The following TLL1 variants were observed in gnomAD, a reference collection of about 807,000 sequenced individuals.
The protein encoded by TLL1 is tolloid-like protein 1.
In TLL1, 49 loss-of-function variants were observed where a neutral mutation model predicts 128.2. The ratio of observed to expected loss-of-function variants is 0.38; its 90% confidence interval spans 0.30 to 0.48. The LOEUF (loss-of-function observed/expected upper bound fraction) is 0.48. Among genes scored for constraint, TLL1 ranks in the 20% least tolerant of loss-of-function variants. TLL1 has a pLI of 0.96. For synonymous variants in TLL1, 454 were observed against 418.8 expected, an observed-to-expected ratio of 1.08 and a Z score of -1.03; for missense variants, 1,123 against 1,242.0, an observed-to-expected ratio of 0.90 and a Z score of 1.44.
At chr4:165,927,445 G>A (rs1476378739) in intron 1 of TLL1, among the ~76,000 whole-genome samples, 2 of 152,184 alleles carry the variant, frequency 1.3e-5, no homozygotes, top group Non-Finnish European at 2.9e-5. Flanking sequence ...TGCATTAGCA[G>A]CCATAGACCA....
At chr4:166,100,682 A>C (rs1742244658) in intron 20 of TLL1, 60 bp from the exon 21 acceptor site, 1 of 1,606,334 alleles carries the variant, frequency 6.2e-7, no homozygotes, top group African/African-American at 1.3e-5. Context: ...CGTTACACTG[A>C]AGAAAAAGTG....
rs1737514302 is a variant in TLL1 at position 166,007,952 on chromosome 4, A to T, written c.821A>T (p.Tyr274Phe). 23 of 1,608,084 alleles carry T rather than the reference A, an allele frequency of 1.4e-5. No individual in the cohort carries two copies. Among genetic ancestry groups the T allele is most frequent in the Non-Finnish European group, 1.9e-5 (22 of 1,175,344 alleles). The change falls in exon 7 of 21, where the codon TAC becomes TTC. Residue 274 changes from tyrosine (Y) to phenylalanine (F), a missense_variant. Physicochemically the swap from Tyr to Phe is conservative, Grantham distance 22 (BLOSUM62 3). This residue lies in a region of TLL1 where 480 missense variants were observed against 542.4 expected (regional missense o/e 0.89). Coordinates refer to ENST00000061240, the MANE Select transcript of TLL1 (RefSeq NM_012464.5). The stretch of plus-strand genomic sequence containing the variant: ...TATCCCTGGTTCTTAGGTCAAGAGT[A>T]CAATTTTCTGAAGATGGAGCCTGGA... Reference protein sequence around the residue: ...IRENIQPGQEYNFLKMEPGEV... With the variant: ...IRENIQPGQEFNFLKMEPGEV...
chr4:165,955,413 C>T (rs1260389490), intron 1 of TLL1, among the ~76,000 whole-genome samples: 1 of 151,828 alleles, frequency 6.6e-6, no homozygotes, highest in Non-Finnish European at 1.5e-5. Context: ...CTAGAGAGGG[C>T]AACATGAAAA....
At chr4:166,045,132 T>C (rs575855293) in intron 12 of TLL1, among the ~76,000 whole-genome samples, 15 of 152,294 alleles carry the variant, frequency 9.8e-5, no homozygotes, top group Non-Finnish European at 1.8e-4. Context: ...AGTCATGTCA[T>C]AGAATGGCTG....
At chr4:165,996,351 G>A (rs1355594844) in intron 5 of TLL1, among the ~76,000 whole-genome samples, 1 of 152,198 alleles carries the variant, frequency 6.6e-6, no homozygotes, top group Non-Finnish European at 1.5e-5. Context: ...GCTCACGCCT[G>A]TAATCCCAGC....
rs572502867 is a variant in TLL1 at position 166,058,884 on chromosome 4, C to A, written c.1847-1144C>A. 2.7e-4 allele frequency among the ~76,000 whole-genome samples: 41 copies of A among 152,212 alleles called. 2 individuals are homozygous for A. The South Asian group carries it at 7.3e-3, about 27-fold the overall frequency. On this transcript the variant is annotated intron_variant, in intron 14 of 20. Coordinates refer to ENST00000061240, the MANE Select transcript of TLL1 (RefSeq NM_012464.5). ...GAATTATTTGCTTAATGCACGCCCC[C>A]CTGCTGACCTATTTAGCAAAAATCA...
chr4:166,040,104 G>A (rs114347622), intron 10 of TLL1, among the ~76,000 whole-genome samples: 1,897 of 152,302 alleles, frequency 0.012, 45 homozygotes, highest in African/African-American at 0.043. Context: ...AAAGGTGAGA[G>A]CTGTTTGGAG....
intron 1 of TLL1, among the ~76,000 whole-genome samples, chr4:165,913,796 T>A (rs1422789487): frequency 6.6e-6 from 1 of 152,176 alleles, no homozygotes; most frequent in Admixed American, 6.6e-5. Flanking sequence ...GGTGGACTGC[T>A]TGAGATCAGG....
chr4:165,975,366 G>A (rs1735828808), intron 1 of TLL1, among the ~76,000 whole-genome samples: 1 of 152,026 alleles, frequency 6.6e-6, no homozygotes, highest in Admixed American at 6.6e-5. Context: ...ATATTTATAG[G>A]GGCAGTAGAG....
intron 1 of TLL1, among the ~76,000 whole-genome samples, chr4:165,884,196 G>A (rs559497161): frequency 1.1e-4 from 16 of 152,326 alleles, no homozygotes; most frequent in African/African-American, 3.8e-4. Context: ...TTTGCAGGTA[G>A]ATGATTGCTC....
chr4:165,980,032 G>A (rs1350442137), intron 1 of TLL1, among the ~76,000 whole-genome samples: 3 of 152,084 alleles, frequency 2.0e-5, no homozygotes, highest in Non-Finnish European at 4.4e-5. Flanking sequence ...AGAGGCAAAT[G>A]TTGCAAGTGC....
chr4:166,098,108 T>C (rs552498835), intron 19 of TLL1, among the ~76,000 whole-genome samples: 1 of 152,000 alleles, frequency 6.6e-6, no homozygotes, highest in African/African-American at 2.4e-5. Flanking sequence ...CTAAGGCAGG[T>C]GGATCACTTG....
chr4:165,982,099 T>G (rs1033776507), intron 1 of TLL1, among the ~76,000 whole-genome samples: 1 of 152,012 alleles, frequency 6.6e-6, no homozygotes, highest in Non-Finnish European at 1.5e-5. Context: ...ATGTGATTGA[T>G]AGACAATAAG....
intron 1 of TLL1, among the ~76,000 whole-genome samples, chr4:165,970,688 A>G (rs904221978): frequency 1.3e-5 from 2 of 152,320 alleles, no homozygotes; most frequent in Non-Finnish European, 2.9e-5. Flanking sequence ...TTAGTAATAA[A>G]TGACACACGA....
intron 1 of TLL1, among the ~76,000 whole-genome samples, chr4:165,961,294 C>T (rs1466280760): frequency 6.6e-6 from 1 of 152,026 alleles, no homozygotes; most frequent in Non-Finnish European, 1.5e-5. Flanking sequence ...AGGAGAACTA[C>T]AAAACACAGT....
chr4:166,056,767 G>A (rs1279559376), intron 13 of TLL1, among the ~76,000 whole-genome samples: 2 of 152,126 alleles, frequency 1.3e-5, no homozygotes, highest in Non-Finnish European at 2.9e-5. Context: ...TCTGAGATAA[G>A]GTGATCTTCA....
At chr4:165,975,763 C>T (rs1169536024) in intron 1 of TLL1, among the ~76,000 whole-genome samples, 1 of 152,034 alleles carries the variant, frequency 6.6e-6, no homozygotes, top group Admixed American at 6.6e-5. Context: ...GATGACCAGG[C>T]ATGGTGGATC....
chr4:166,022,729 G>C (rs1256671835), intron 8 of TLL1, among the ~76,000 whole-genome samples: 1 of 152,104 alleles, frequency 6.6e-6, no homozygotes, highest in Non-Finnish European at 1.5e-5. Flanking sequence ...CCTCAACAAT[G>C]CACAATCTAA....
At chr4:166,031,828 T>C (rs1738784513) in intron 9 of TLL1, among the ~76,000 whole-genome samples, 2 of 152,064 alleles carry the variant, frequency 1.3e-5, no homozygotes, top group African/African-American at 4.8e-5. Flanking sequence ...ATTGAATAAA[T>C]AGGAGTAGAA....
Sources: allele counts gnomAD v4.1 joint callset (sites outside exome capture counted in the v4.1 genomes callset), GRCh38; gene constraint gnomAD v4.1.1; regional missense constraint gnomAD v4.1.1; transcripts MANE v1.5; gene names NCBI Gene and HGNC (gene_info 2026-07-23, HGNC 2026-07-21).